KCNJ3: variants seen among roughly 807,000 people sequenced by gnomAD.
KCNJ3 encodes the protein potassium inwardly rectifying channel subfamily J member 3.
KCNJ3 carries 4 observed loss-of-function variants against 39.2 expected under a neutral mutation model. That is an observed-to-expected ratio of 0.10 (90% confidence interval 0.05 to 0.23). The LOEUF (loss-of-function observed/expected upper bound fraction) is 0.23, where lower values mean the gene tolerates loss of function less well. Among genes scored for constraint, KCNJ3 ranks in the 10% least tolerant of loss-of-function variants. The pLI is 1.00. For synonymous variants in KCNJ3, 230 were observed against 237.4 expected, an observed-to-expected ratio of 0.97 and a Z score of 0.29; for missense variants, 276 against 634.9, an observed-to-expected ratio of 0.43 and a Z score of 6.08.
intron 2 of KCNJ3, among the ~76,000 whole-genome samples, chr2:154,754,066 A>G (rs1685896192): frequency 6.6e-6 from 1 of 152,164 alleles, no homozygotes; most frequent in African/African-American, 2.4e-5. Context: ...ACTTTAGAAT[A>G]GTTTTGGATT....
chr2:154,699,150 C>T lies in KCNJ3; in HGVS notation c.375C>T (p.Ala125=), dbSNP rs1684841555. 8 of 1,614,112 alleles carry T rather than the reference C, an allele frequency of 5.0e-6. No homozygotes were observed. In the South Asian group the frequency reaches 6.6e-5, roughly 13 times the overall value. Residue 125 remains alanine (A), a synonymous_variant, in exon 1 of 3, where the codon GCC becomes GCT. Transcript: ENST00000295101. The surrounding 1 kb of genome is among the most constrained non-coding windows in gnomAD (Gnocchi z 6.4). ...TCGGTAACTACACGCCTTGCGTGGC[C>T]AATGTCTATAACTTCCCTTCTGCCT... The part of the protein sequence containing the change: ...AHVGNYTPCV[A]NVYNFPSAFL...
Position 154,739,424 on chromosome 2 carries a change from A to G in KCNJ3, c.919+29605A>G, listed in dbSNP as rs375602652. Among the ~76,000 whole-genome samples, 535 of 152,142 alleles carry G rather than the reference A, an allele frequency of 3.5e-3. 2 individuals carry two copies. The highest frequency in any genetic ancestry group is 0.03 in the South Asian group (144 of 4,826). ...GAATAAGTGTCCAGTTGAATTTTCCATGAGTGATGAGTTGGTGCTTTCACA... is the reference window on the plus strand; with the variant it reads ...GAATAAGTGTCCAGTTGAATTTTCCGTGAGTGATGAGTTGGTGCTTTCACA... On this transcript the variant is annotated intron_variant, in intron 2 of 2. Transcript: ENST00000295101.
chr2:154,723,182 G>A (rs947454386), intron 2 of KCNJ3, among the ~76,000 whole-genome samples: 1 of 152,120 alleles, frequency 6.6e-6, no homozygotes, highest in African/African-American at 2.4e-5. Flanking sequence ...CTACAGGGGT[G>A]ACTGAGATGA....
At chr2:154,749,239 A>T (rs1387825810) in intron 2 of KCNJ3, among the ~76,000 whole-genome samples, 4 of 152,096 alleles carry the variant, frequency 2.6e-5, no homozygotes, top group Non-Finnish European at 5.9e-5. Flanking sequence ...TTTCAAATGC[A>T]TTTAGATGAT....
chr2:154,707,557 A>G (rs900526017), intron 1 of KCNJ3, among the ~76,000 whole-genome samples: 9 of 152,130 alleles, frequency 5.9e-5, no homozygotes, highest in Non-Finnish European at 1.2e-4. Flanking sequence ...AATGTATGAA[A>G]AAGGAAGACA....
rs1350837145 is a variant in KCNJ3, at chr2:154,741,255, A to G, written c.919+31436A>G. Among the ~76,000 whole-genome samples, 5 of 151,922 alleles carry G rather than the reference A, an allele frequency of 3.3e-5. No homozygotes were observed. In the East Asian group the frequency reaches 9.7e-4, roughly 29 times the overall value. ...ACACAGCTAGTTAATGGTGCATCTG[A>G]GATATGAACCCTTGCAGTCTGACCA... On this transcript the variant is annotated intron_variant, in intron 2 of 2. Coordinates refer to ENST00000295101, the MANE Select transcript of KCNJ3 (RefSeq NM_002239.4).
intron 2 of KCNJ3, among the ~76,000 whole-genome samples, chr2:154,819,452 T>C (rs1324023738): frequency 1.3e-5 from 2 of 152,152 alleles, no homozygotes; most frequent in Non-Finnish European, 2.9e-5. Context: ...CATGACATTT[T>C]ATTACTAAAT....
intron 2 of KCNJ3, among the ~76,000 whole-genome samples, chr2:154,775,369 A>C (rs1221835733): frequency 6.6e-6 from 1 of 152,180 alleles, no homozygotes; most frequent in African/African-American, 2.4e-5. Flanking sequence ...TTATTACGCT[A>C]TTCTGGAATC....
chr2:154,755,104 T>C (rs968974933), intron 2 of KCNJ3, among the ~76,000 whole-genome samples: 7 of 152,132 alleles, frequency 4.6e-5, no homozygotes, highest in Admixed American at 1.3e-4. Flanking sequence ...ATTACTGTAA[T>C]TGGAAATGTG....
intron 2 of KCNJ3, among the ~76,000 whole-genome samples, chr2:154,854,205 T>A (rs1687802321): frequency 6.6e-6 from 1 of 152,176 alleles, no homozygotes. Flanking sequence ...ATTTTACATT[T>A]CTGTATATGT....
chr2:154,808,607 T>C (rs1686957832), intron 2 of KCNJ3, among the ~76,000 whole-genome samples: 1 of 152,146 alleles, frequency 6.6e-6, no homozygotes, highest in African/African-American at 2.4e-5. Context: ...GTCTGAGTAC[T>C]TACCAGGCTG....
intron 2 of KCNJ3, among the ~76,000 whole-genome samples, chr2:154,760,006 T>A (rs1177446434): frequency 6.7e-6 from 1 of 149,768 alleles, no homozygotes; most frequent in East Asian, 2.0e-4. Flanking sequence ...AAAGAAGTAC[T>A]GAGTGGTAGG....
rs1017952960 is a variant in KCNJ3, at chr2:154,857,684, C to G, written c.*2371C>G. ...TCACCTGAGGTCAGGAGATCGAGAC[C>G]AGCCTGGACAACATGGTGAAAACCC... On this transcript the variant is annotated 3_prime_UTR_variant, in exon 3 of 3. Coordinates refer to ENST00000295101, the MANE Select transcript of KCNJ3 (RefSeq NM_002239.4). 9.9e-5 allele frequency: 15 copies of G among 151,418 alleles called. No homozygotes were observed. Among genetic ancestry groups the G allele is most frequent in the African/African-American group, 3.6e-4 (15 of 41,226 alleles). 9.4% of individuals were successfully genotyped at this position (151,418 alleles called of 1,614,324 possible). A position where few individuals can be genotyped will look rare whatever the true frequency, so the allele number is the denominator to read the frequency against.
chr2:154,728,404 T>C (rs183703569), intron 2 of KCNJ3, among the ~76,000 whole-genome samples: 2 of 152,336 alleles, frequency 1.3e-5, no homozygotes, highest in East Asian at 3.9e-4. Flanking sequence ...AACTACTTTT[T>C]ATTGATGTCA....
chr2:154,853,142 T>TG (rs1396947334), intron 2 of KCNJ3, among the ~76,000 whole-genome samples: 6 of 141,526 alleles, frequency 4.2e-5, no homozygotes, highest in Admixed American at 2.1e-4. Flanking sequence ...AGGATTAGAA[T>TG]GGAAAAAAAA....
intron 2 of KCNJ3, among the ~76,000 whole-genome samples, chr2:154,772,058 C>G (rs1448520275): frequency 6.6e-6 from 1 of 152,040 alleles, no homozygotes; most frequent in African/African-American, 2.4e-5. Context: ...GATGCAGGGA[C>G]AGAAATGAAA....
chr2:154,783,629 G>A (rs2105205149), intron 2 of KCNJ3, among the ~76,000 whole-genome samples: 1 of 152,236 alleles, frequency 6.6e-6, no homozygotes, highest in African/African-American at 2.4e-5. Context: ...GGTATTACAA[G>A]CATTCCCATT....
In KCNJ3 at chr2:154,733,057, A is replaced by C. The variant is rs368805213; in HGVS notation, c.919+23238A>C. ...TTGTATGTATACATTTTGTTTTATA[A>C]AACCTACTCTCCTTTTTACAAACTT... is the stretch of plus-strand genomic sequence containing the variant. On this transcript the variant is annotated intron_variant, in intron 2 of 2. Transcript: ENST00000295101. Among the ~76,000 whole-genome samples, 37 of 152,288 alleles carry C rather than the reference A, an allele frequency of 2.4e-4. No homozygotes were observed. The South Asian group carries it at 7.7e-3, about 32-fold the overall frequency.
intron 2 of KCNJ3, among the ~76,000 whole-genome samples, chr2:154,799,537 T>G (rs1686775856): frequency 6.6e-6 from 1 of 152,148 alleles, no homozygotes; most frequent in South Asian, 2.1e-4. Context: ...CTCCAAGATG[T>G]TTCCAAGGCT....
Sources: allele counts gnomAD v4.1 joint callset (sites outside exome capture counted in the v4.1 genomes callset), GRCh38; gene constraint gnomAD v4.1.1; non-coding constraint Gnocchi (gnomAD v3.1); transcripts MANE v1.5; gene names NCBI Gene and HGNC (gene_info 2026-07-23, HGNC 2026-07-21).